Variants in LIN28B observed in about 807,000 individuals in gnomAD.
LIN28B encodes the protein lin-28 RNA binding posttranscriptional regulator B.
In LIN28B, 5 loss-of-function variants were observed where a neutral mutation model predicts 21.9. That is an observed-to-expected ratio of 0.23 (90% CI 0.12 to 0.48). The LOEUF (loss-of-function observed/expected upper bound fraction) is 0.48. Among genes scored for constraint, LIN28B ranks in the 20% least tolerant of loss-of-function variants. The probability of loss-of-function intolerance (pLI) is 0.98; values close to 1 mark genes in which losing one functional copy is unlikely to be tolerated. For missense variants in LIN28B, 245 were observed against 310.5 expected (o/e 0.79, Z 1.58); for synonymous variants, 109 against 111.3 (o/e 0.98, Z 0.13).
chr6:104,981,045 T>G (rs1770212152), intron 2 of LIN28B, among the ~76,000 whole-genome samples: 1 of 152,180 alleles, frequency 6.6e-6, no homozygotes, highest in Non-Finnish European at 1.5e-5. Context: ...ACATTTTATT[T>G]TAGCTAGTAA....
At chr6:104,977,447 A>G in intron 2 of LIN28B, among the ~76,000 whole-genome samples, 1 of 152,204 alleles carries the variant, frequency 6.6e-6, no homozygotes, top group African/African-American at 2.4e-5. Flanking sequence ...GTCATTTATC[A>G]TAGACCGTCT....
chr6:105,018,635 A>T (rs895751604), intron 2 of LIN28B, among the ~76,000 whole-genome samples: 6 of 152,170 alleles, frequency 3.9e-5, no homozygotes, highest in African/African-American at 9.7e-5. Context: ...AAATCAAGTT[A>T]AAGTTAAATA....
intron 2 of LIN28B, among the ~76,000 whole-genome samples, chr6:105,025,446 C>CA (rs1582903519): frequency 6.6e-6 from 1 of 151,642 alleles, no homozygotes; most frequent in Non-Finnish European, 1.5e-5. Context: ...GTTATTTTTA[C>CA]AAAAAATCAG....
intron 2 of LIN28B, among the ~76,000 whole-genome samples, chr6:105,016,013 A>G (rs931758748): frequency 3.9e-5 from 6 of 152,180 alleles, no homozygotes; most frequent in African/African-American, 9.7e-5. Context: ...TTTTATAAGT[A>G]AGATCTACTT....
chr6:105,038,802 A>G (rs1771575842), intron 3 of LIN28B, among the ~76,000 whole-genome samples: 1 of 152,236 alleles, frequency 6.6e-6, no homozygotes, highest in Non-Finnish European at 1.5e-5. Flanking sequence ...AACAAATAGT[A>G]ATTCATAAAG....
Position 104,997,543 on chromosome 6 carries a change from GC to G in LIN28B, c.199-28746del, listed in dbSNP as rs199741794. 1.5e-3 allele frequency among the ~76,000 whole-genome samples: 197 copies of G among 133,524 alleles called. 1 individual carries two copies. Among genetic ancestry groups the G allele is most frequent in the South Asian group, 6.8e-3 (28 of 4,112 alleles). The allele number at this position is 133,524 out of a possible 152,430, so 87.6% of individuals were successfully genotyped here. On this transcript the variant is annotated intron_variant, in intron 2 of 3. Transcript: ENST00000345080. The stretch of plus-strand genomic sequence containing the variant: ...GTACCAACAAAAATATGTAACACCC[GC>G]CCCCCCCCGCCACACACACACGTTA...
chr6:105,044,026 C>T (rs567361371), intron 3 of LIN28B, among the ~76,000 whole-genome samples: 2 of 152,208 alleles, frequency 1.3e-5, no homozygotes, highest in South Asian at 4.1e-4. Context: ...ATTGTTCTTC[C>T]ATTTTGTTTC....
At chr6:105,005,323 A>C (rs1010168878) in intron 2 of LIN28B, among the ~76,000 whole-genome samples, 2 of 151,584 alleles carry the variant, frequency 1.3e-5, no homozygotes, top group African/African-American at 4.8e-5. Flanking sequence ...AGGGTTTTTT[A>C]TTAATTTTTT....
intron 3 of LIN28B, among the ~76,000 whole-genome samples, chr6:105,070,592 C>CCACACACACA (rs752057191): frequency 0.067 from 6,204 of 92,124 alleles, 487 homozygotes; most frequent in African/African-American, 0.07. Flanking sequence ...ATCAATAAAA[C>CCACACACACA]CACACACACA....
intron 3 of LIN28B, among the ~76,000 whole-genome samples, chr6:105,047,579 A>G (rs1562105433): frequency 1.3e-5 from 2 of 152,056 alleles, no homozygotes; most frequent in South Asian, 2.1e-4. Context: ...CTTGATGGGG[A>G]TGGCATTGAA....
Position 105,004,420 on chromosome 6 carries a change from AT to A in LIN28B, c.199-21876del, listed in dbSNP as rs574187609. ...TTTTTGTACAGACAACCACATTTAAATTGGGTAGTGGTCTCTTTTGGTATTT... is the reference window on the plus strand; with the variant it reads ...TTTTTGTACAGACAACCACATTTAAATGGGTAGTGGTCTCTTTTGGTATTT... On this transcript the variant is annotated intron_variant, in intron 2 of 3. Transcript: ENST00000345080. Among the ~76,000 whole-genome samples the A allele has an allele frequency of 9.9e-5, 15 of 151,958 alleles. No homozygotes were observed. The East Asian group carries it at 2.5e-3, about 25-fold the overall frequency.
chr6:105,001,724 G>A (rs924186676), intron 2 of LIN28B, among the ~76,000 whole-genome samples: 5 of 152,248 alleles, frequency 3.3e-5, no homozygotes, highest in African/African-American at 1.2e-4. Flanking sequence ...AAATATCATA[G>A]AAATGAAATC....
At chr6:104,981,186 T>C (rs551238028) in intron 2 of LIN28B, among the ~76,000 whole-genome samples, 2 of 152,338 alleles carry the variant, frequency 1.3e-5, no homozygotes, top group East Asian at 1.9e-4. Context: ...ATTCTACTCA[T>C]ATTTGCTTCT....
At chr6:105,011,049 G>A (rs1770912482) in intron 2 of LIN28B, among the ~76,000 whole-genome samples, 1 of 152,136 alleles carries the variant, frequency 6.6e-6, no homozygotes, top group Non-Finnish European at 1.5e-5. Context: ...TGCATCTCTT[G>A]TGAGTGAAGC....
intron 2 of LIN28B, among the ~76,000 whole-genome samples, chr6:104,988,084 C>T (rs1341494223): frequency 6.6e-6 from 1 of 152,110 alleles, no homozygotes; most frequent in Non-Finnish European, 1.5e-5. Context: ...TTTTTTGATT[C>T]ACTAGCTTGT....
At chr6:105,031,634 C>A (rs1478791115) in intron 3 of LIN28B, among the ~76,000 whole-genome samples, 1 of 151,356 alleles carries the variant, frequency 6.6e-6, no homozygotes, top group East Asian at 1.9e-4. Flanking sequence ...CCCAGGTTCA[C>A]ACCATTCTCC....
At chr6:105,051,267 T>C (rs1362219225) in intron 3 of LIN28B, among the ~76,000 whole-genome samples, 2 of 151,066 alleles carry the variant, frequency 1.3e-5, no homozygotes, top group Non-Finnish European at 2.9e-5. Context: ...GGTGAAACCC[T>C]ATCTCTACTA....
chr6:105,077,463 C>G (rs1772449740), intron 3 of LIN28B, among the ~76,000 whole-genome samples: 3 of 151,918 alleles, frequency 2.0e-5, no homozygotes, highest in African/African-American at 7.2e-5. Flanking sequence ...AGAAGAAAAT[C>G]TGATTGAACA....
At chr6:105,046,882 A>C (rs1771778725) in intron 3 of LIN28B, among the ~76,000 whole-genome samples, 1 of 151,778 alleles carries the variant, frequency 6.6e-6, no homozygotes, top group Non-Finnish European at 1.5e-5. Context: ...TTTTCTTGTA[A>C]ATTTGTTTGA....
Sources: gnomAD v4.1 joint callset for allele counts (sites outside exome capture counted in the v4.1 genomes callset) on GRCh38, gnomAD v4.1.1 for gene constraint, MANE v1.5 for transcripts, NCBI Gene and HGNC (gene_info 2026-07-23, HGNC 2026-07-21) for gene names.